The following SHISA9 variants were observed in gnomAD, a reference collection of about 807,000 sequenced individuals.
SHISA9 encodes the protein shisa family member 9.
Under a neutral mutation model 38.0 loss-of-function variants are expected in SHISA9, and 13 were observed. That is an observed-to-expected ratio of 0.34 (90% confidence interval 0.22 to 0.54). SHISA9 has a LOEUF of 0.54. Among genes scored for constraint, SHISA9 ranks in the 20% least tolerant of loss-of-function variants. The pLI is 0.91. For synonymous variants in SHISA9, 275 were observed against 242.0 expected (o/e 1.14, Z -1.27); for missense variants, 538 against 575.8 (o/e 0.93, Z 0.67).
chr16:13,192,766 T>C (rs1016197397), intron 2 of SHISA9, among the ~76,000 whole-genome samples: 3 of 151,988 alleles, frequency 2.0e-5, no homozygotes, highest in Non-Finnish European at 2.9e-5. Flanking sequence ...TCCCAGCTAC[T>C]TGGGAGGCTG....
intron 2 of SHISA9, among the ~76,000 whole-genome samples, chr16:12,965,443 T>C (rs1309017007): frequency 6.6e-6 from 1 of 152,206 alleles, no homozygotes; most frequent in African/African-American, 2.4e-5. Context: ...ACCGATCTCC[T>C]TTCTGTCTCT....
At chr16:13,349,949 A>G in the SHISA9 span, among the ~76,000 whole-genome samples, 2 of 152,184 alleles carry the variant, frequency 1.3e-5, no homozygotes, top group Admixed American at 6.5e-5. Flanking sequence ...GGCCCCTGTG[A>G]TGGTTAATTT....
the SHISA9 span, among the ~76,000 whole-genome samples, chr16:13,275,470 A>C: frequency 6.6e-6 from 1 of 151,942 alleles, no homozygotes; most frequent in Non-Finnish European, 1.5e-5. Flanking sequence ...ATAATATATT[A>C]TCAAATGTAT....
chr16:13,397,037 AT>A, the SHISA9 span, among the ~76,000 whole-genome samples: 1 of 146,156 alleles, frequency 6.8e-6, no homozygotes, highest in African/African-American at 2.8e-5. Flanking sequence ...GAAGACCTTT[AT>A]GATGATCCAC....
At chr16:13,349,200 G>T in the SHISA9 span, among the ~76,000 whole-genome samples, 2 of 152,290 alleles carry the variant, frequency 1.3e-5, no homozygotes, top group South Asian at 4.2e-4. Flanking sequence ...CCAGCAAAAT[G>T]CCAGTGAGGT....
At chr16:13,356,880 T>C in the SHISA9 span, among the ~76,000 whole-genome samples, 1 of 152,202 alleles carries the variant, frequency 6.6e-6, no homozygotes, top group Non-Finnish European at 1.5e-5. Context: ...AGTGCCATTT[T>C]CTGGCTATTT....
chr16:13,078,075 A>G (rs766676643), intron 2 of SHISA9, among the ~76,000 whole-genome samples: 1 of 152,228 alleles, frequency 6.6e-6, no homozygotes, highest in Non-Finnish European at 1.5e-5. Context: ...GAATTAAAAC[A>G]GGTGCTTATA....
At chr16:13,095,311 C>T (rs924818078) in intron 2 of SHISA9, among the ~76,000 whole-genome samples, 2 of 152,222 alleles carry the variant, frequency 1.3e-5, no homozygotes, top group Non-Finnish European at 2.9e-5. Context: ...GCTGAGGATG[C>T]TGGGGAGTGG....
intron 2 of SHISA9, among the ~76,000 whole-genome samples, chr16:13,066,872 G>A (rs977178962): frequency 6.6e-6 from 1 of 152,190 alleles, no homozygotes; most frequent in South Asian, 2.1e-4. Context: ...TGGTTGCACT[G>A]GATTCCAGGA....
intron 2 of SHISA9, among the ~76,000 whole-genome samples, chr16:13,152,368 G>T (rs1177997316): frequency 6.6e-6 from 1 of 152,142 alleles, no homozygotes; most frequent in Non-Finnish European, 1.5e-5. Flanking sequence ...ATTTGAGGCT[G>T]CCAAGGCTCA....
At position 13,217,114 on chromosome 16, in the gene SHISA9, AC is replaced by A. The variant is rs768857958; in HGVS notation, c.895+3815del. Among the ~76,000 whole-genome samples, 436 of 135,892 alleles carry A rather than the reference AC, an allele frequency of 3.2e-3. 1 individual carries two copies. The highest frequency in any genetic ancestry group is 3.8e-3 in the Middle Eastern group (1 of 262). 89.2% of individuals were successfully genotyped at this position (135,892 alleles called of 152,430 possible). On this transcript the variant is annotated intron_variant, in intron 4 of 4. Transcript: ENST00000558583. ...GTGAAACCCCATCTCTACTAAAAAT[AC>A]AAAAAAAAAAAAAATTGCAGGGAGT...
chr16:12,953,240 A>G (rs1041398905), intron 2 of SHISA9, among the ~76,000 whole-genome samples: 2 of 152,052 alleles, frequency 1.3e-5, no homozygotes, highest in Non-Finnish European at 1.5e-5. Flanking sequence ...CAACAACAAC[A>G]AAAAACAGCC....
rs151105206 is a variant in SHISA9 at position 13,028,132 on chromosome 16, T to C, written c.691+111317T>C. On this transcript the variant is annotated intron_variant, in intron 2 of 4. Coordinates refer to ENST00000558583, the MANE Select transcript of SHISA9 (RefSeq NM_001145204.3). ...AAAACCTTCTATCTCTTGATTGTCA[T>C]GGTGGTCTTGACTGTATGTATGTGT... Among the ~76,000 whole-genome samples the C allele has an allele frequency of 4.4e-3, 663 of 152,112 alleles. 3 individuals carry two copies. The highest frequency in any genetic ancestry group is 0.01 in the Admixed American group (160 of 15,284).
At chr16:13,406,781 A>G in the SHISA9 span, among the ~76,000 whole-genome samples, 1 of 152,084 alleles carries the variant, frequency 6.6e-6, no homozygotes, top group African/African-American at 2.4e-5. Flanking sequence ...CAAAAAGGAG[A>G]CCACAGGTCG....
the SHISA9 span, among the ~76,000 whole-genome samples, chr16:13,251,867 A>G: frequency 2.6e-5 from 4 of 152,160 alleles, no homozygotes; most frequent in African/African-American, 9.7e-5. Flanking sequence ...TCATCCAACA[A>G]TTGACTATTT....
the SHISA9 span, among the ~76,000 whole-genome samples, chr16:13,478,147 C>T: frequency 7.2e-5 from 11 of 152,048 alleles, no homozygotes; most frequent in African/African-American, 1.9e-4. Context: ...AGGAACCTGC[C>T]GGGGAAACAT....
the SHISA9 span, among the ~76,000 whole-genome samples, chr16:13,321,355 C>T: frequency 9.1e-3 from 1,388 of 152,232 alleles, 6 homozygotes; most frequent in Middle Eastern, 0.024. Flanking sequence ...AATGAATGAA[C>T]GAATGAATGA....
intron 2 of SHISA9, among the ~76,000 whole-genome samples, chr16:13,133,625 C>T (rs1362445618): frequency 6.6e-6 from 1 of 152,182 alleles, no homozygotes; most frequent in East Asian, 1.9e-4. Context: ...TGCCAGTCCC[C>T]TCCAGCTGGG....
the SHISA9 span, among the ~76,000 whole-genome samples, chr16:13,260,318 G>T: frequency 2.0e-5 from 3 of 151,852 alleles, no homozygotes; most frequent in Admixed American, 2.0e-4. Flanking sequence ...GCCTGGCCGG[G>T]TTTTTCTTTT....
Sources: gnomAD v4.1 joint callset for allele counts (sites outside exome capture counted in the v4.1 genomes callset) on GRCh38, gnomAD v4.1.1 for gene constraint, MANE v1.5 for transcripts, NCBI Gene and HGNC (gene_info 2026-07-23, HGNC 2026-07-21) for gene names.